Variants in MACROD2 observed in about 807,000 individuals in gnomAD.
The protein encoded by MACROD2 is ADP-ribose glycohydrolase MACROD2.
In MACROD2, 36 loss-of-function variants were observed where a neutral mutation model predicts 70.4. The observed-to-expected ratio is 0.51, with a 90% confidence interval of 0.39 to 0.68. The LOEUF is 0.68. Ranked by LOEUF, MACROD2 falls within the 30% of genes least tolerant of loss-of-function variation. MACROD2 has a pLI of 0.00. For missense variants in MACROD2, 496 were observed against 538.4 expected, an observed-to-expected ratio of 0.92 and a Z score of 0.78; for synonymous variants, 172 against 178.8, an observed-to-expected ratio of 0.96 and a Z score of 0.30.
At chr20:15,564,255 T>C (rs1455673074) in intron 8 of MACROD2, among the ~76,000 whole-genome samples, 2 of 152,162 alleles carry the variant, frequency 1.3e-5, no homozygotes, top group Non-Finnish European at 2.9e-5. Flanking sequence ...CCTTCGCTCA[T>C]TTTTGTCACT....
chr20:14,153,051 A>G (rs953696168), intron 3 of MACROD2, among the ~76,000 whole-genome samples: 27 of 152,224 alleles, frequency 1.8e-4, no homozygotes, highest in African/African-American at 6.0e-4. Context: ...ATAGATGTCA[A>G]TAATCAACTC....
At chr20:15,788,182 G>A (rs1001592271) in intron 8 of MACROD2, among the ~76,000 whole-genome samples, 13 of 151,982 alleles carry the variant, frequency 8.6e-5, no homozygotes, top group African/African-American at 2.7e-4. Context: ...CAGTAGCTTA[G>A]ACAAAAAGCG....
intron 8 of MACROD2, among the ~76,000 whole-genome samples, chr20:15,799,058 C>A (rs963986110): frequency 6.6e-6 from 1 of 152,284 alleles, no homozygotes; most frequent in South Asian, 2.1e-4. Context: ...ATGCCAAGAA[C>A]TGCCAAGTTC....
At chr20:15,668,429 G>A (rs6131687) in intron 8 of MACROD2, among the ~76,000 whole-genome samples, 57,805 of 151,122 alleles carry the variant, frequency 0.38, 12,243 homozygotes, top group South Asian at 0.48. Context: ...TTAGCCAGGC[G>A]TGATGGCACA....
At chr20:14,255,297 A>G (rs1339478279) in intron 3 of MACROD2, among the ~76,000 whole-genome samples, 4 of 152,320 alleles carry the variant, frequency 2.6e-5, no homozygotes, top group Non-Finnish European at 4.4e-5. Context: ...ATGTCCAACA[A>G]TGATAGGCTG....
At chr20:14,426,328 T>G (rs962375851) in intron 3 of MACROD2, among the ~76,000 whole-genome samples, 1 of 152,200 alleles carries the variant, frequency 6.6e-6, no homozygotes, top group African/African-American at 2.4e-5. Context: ...TCCCCAAATA[T>G]TCCTCTTTTT....
At chr20:14,086,123 G>C (rs2054074041) in intron 3 of MACROD2, 2 of 297,296 alleles carry the variant, frequency 6.7e-6, no homozygotes, top group Non-Finnish European at 1.4e-5. Context: ...GGTGATGATT[G>C]AACTATGTAA....
chr20:15,424,381 C>T (rs1019188833), intron 6 of MACROD2, among the ~76,000 whole-genome samples: 4 of 152,150 alleles, frequency 2.6e-5, no homozygotes, highest in Non-Finnish European at 4.4e-5. Flanking sequence ...CCCTAGTTAA[C>T]GGCATGATGG....
chr20:15,374,198 A>G (rs985428805), intron 6 of MACROD2, among the ~76,000 whole-genome samples: 1 of 151,986 alleles, frequency 6.6e-6, no homozygotes, highest in East Asian at 1.9e-4. Context: ...ATATATAGAT[A>G]TACGCACATA....
chr20:14,555,786 A>C (rs975871242), intron 4 of MACROD2, among the ~76,000 whole-genome samples: 1 of 152,010 alleles, frequency 6.6e-6, no homozygotes, highest in African/African-American at 2.4e-5. Flanking sequence ...TAAAGGCGCA[A>C]ATGAAAACTC....
chr20:15,786,341 A>G (rs1334205189), intron 8 of MACROD2, among the ~76,000 whole-genome samples: 2 of 152,030 alleles, frequency 1.3e-5, no homozygotes, highest in Non-Finnish European at 2.9e-5. Flanking sequence ...AATTTGTAAG[A>G]AAAAAAAGTG....
At chr20:14,733,865 G>T (rs1932944) in intron 5 of MACROD2, among the ~76,000 whole-genome samples, 140,653 of 152,214 alleles carry the variant, frequency 0.92, 65,044 homozygotes, top group East Asian at 1. Flanking sequence ...GCATTTTGTT[G>T]GGGCTCTAGT....
intron 7 of MACROD2, among the ~76,000 whole-genome samples, chr20:15,473,100 C>T (rs981610860): frequency 6.6e-6 from 1 of 152,204 alleles, no homozygotes; most frequent in Admixed American, 6.5e-5. Context: ...TTATCACTTA[C>T]TAGCTGTGTG....
chr20:15,444,294 G>A (rs1384971453), intron 7 of MACROD2, among the ~76,000 whole-genome samples: 1 of 152,152 alleles, frequency 6.6e-6, no homozygotes, highest in Non-Finnish European at 1.5e-5. Context: ...CATTTTGTCT[G>A]TTCATTCAGG....
intron 5 of MACROD2, among the ~76,000 whole-genome samples, chr20:14,965,091 A>G (rs1983834): frequency 0.098 from 14,924 of 152,118 alleles, 1,896 homozygotes; most frequent in African/African-American, 0.29. Flanking sequence ...TTTTCATGTG[A>G]AAATTACTAT....
At chr20:15,649,597 G>A (rs1264026071) in intron 8 of MACROD2, among the ~76,000 whole-genome samples, 2 of 152,126 alleles carry the variant, frequency 1.3e-5, no homozygotes, top group Non-Finnish European at 2.9e-5. Flanking sequence ...GGCCACTTCT[G>A]AGTGACTCAC....
At position 15,761,728 on chromosome 20, in the gene MACROD2, A is replaced by G. The variant is rs539325730; in HGVS notation, c.646-101017A>G. On this transcript the variant is annotated intron_variant, in intron 8 of 17. Coordinates refer to ENST00000684519, the MANE Select transcript of MACROD2 (RefSeq NM_001351661.2). ...AAGCTAGAGCGCTTTTCCCCAAAAT[A>G]TGTACCAGTCTCGGCCAACCGCTCA... 2.4e-3 allele frequency among the ~76,000 whole-genome samples: 366 copies of G among 152,346 alleles called. 1 individual carries two copies. The highest frequency in any genetic ancestry group is 8.6e-3 in the African/African-American group (356 of 41,568).
At chr20:14,516,094 A>T (rs2085097382) in intron 4 of MACROD2, among the ~76,000 whole-genome samples, 1 of 150,166 alleles carries the variant, frequency 6.7e-6, no homozygotes, top group Non-Finnish European at 1.5e-5. Context: ...AATAAATAAG[A>T]AAGAAATTTA....
At chr20:15,422,125 A>G (rs1375478354) in intron 6 of MACROD2, among the ~76,000 whole-genome samples, 2 of 152,206 alleles carry the variant, frequency 1.3e-5, no homozygotes, top group African/African-American at 4.8e-5. Flanking sequence ...GGGAGGGGCT[A>G]AGGAAGCGAG....
Sources: gnomAD v4.1 joint callset for allele counts (sites outside exome capture counted in the v4.1 genomes callset) on GRCh38, gnomAD v4.1.1 for gene constraint, MANE v1.5 for transcripts, NCBI Gene and HGNC (gene_info 2026-07-23, HGNC 2026-07-21) for gene names.